SLC35B4: variants seen among roughly 807,000 people sequenced by gnomAD.
SLC35B4 encodes nucleotide sugar transporter SLC35B4.
Under a neutral mutation model 39.5 loss-of-function variants are expected in SLC35B4, and 28 were observed. The observed-to-expected ratio is 0.71, with a 90% CI of 0.53 to 0.97. The LOEUF is 0.97. SLC35B4 is among the 50% of genes least tolerant of loss of function. The pLI, the probability that SLC35B4 is intolerant of heterozygous loss-of-function variation, is 0.00. For synonymous variants in SLC35B4, 145 were observed against 150.4 expected (o/e 0.96, Z 0.26); for missense variants, 334 against 414.3 (o/e 0.81, Z 1.68).
chr7:134,300,309 C>A, intron 6 of SLC35B4, 48 bp from the exon 7 acceptor site: 6 of 1,366,212 alleles, frequency 4.4e-6, no homozygotes, highest in Non-Finnish European at 6.1e-6. Flanking sequence ...TGTTCATTTC[C>A]AGATGTTTTT....
In SLC35B4 at chr7:134,314,950, A is replaced by G. The variant is rs539957209; in HGVS notation, c.77+1725T>C. The stretch of plus-strand genomic sequence containing the variant: ...TTTTTATCCCTCATCACCTATTCCC[A>G]AGTCAAATAACAGATCTTTATCAAC... On this transcript the variant is annotated intron_variant, in intron 1 of 9. Coordinates refer to ENST00000378509, the MANE Select transcript of SLC35B4 (RefSeq NM_032826.5). 5.0e-4 allele frequency among the ~76,000 whole-genome samples: 76 copies of G among 152,206 alleles called. 2 individuals carry two copies. In the South Asian group the frequency reaches 0.015, roughly 31 times the overall value.
intron 6 of SLC35B4, 110 bp downstream of exon 6, chr7:134,301,651 G>A: frequency 5.0e-6 from 5 of 998,170 alleles, no homozygotes; most frequent in Non-Finnish European, 7.7e-6. Context: ...TCTCTTCCAT[G>A]GCATAATTTG....
intron 9 of SLC35B4, among the ~76,000 whole-genome samples, chr7:134,295,447 C>G (rs908333565): frequency 1.3e-5 from 2 of 152,122 alleles, no homozygotes; most frequent in Non-Finnish European, 2.9e-5. Context: ...GAAAGGGACT[C>G]TGGCAAATCT....
intron 8 of SLC35B4, among the ~76,000 whole-genome samples, chr7:134,298,230 C>A (rs719102): frequency 0.02 from 3,036 of 152,136 alleles, 128 homozygotes; most frequent in African/African-American, 0.07. Flanking sequence ...TCTTTGATAT[C>A]CTTAGCAAGT....
At chr7:134,297,047 A>G (rs976176735) in intron 8 of SLC35B4, among the ~76,000 whole-genome samples, 1 of 152,142 alleles carries the variant, frequency 6.6e-6, no homozygotes, top group Non-Finnish European at 1.5e-5. Context: ...CAGCCTCCCA[A>G]GTAGCTGGGA....
At chr7:134,315,808 G>A (rs1156580548) in intron 1 of SLC35B4, among the ~76,000 whole-genome samples, 2 of 152,182 alleles carry the variant, frequency 1.3e-5, no homozygotes, top group Non-Finnish European at 2.9e-5. Context: ...TAAGTGACTT[G>A]AAGGGCTACA....
chr7:134,318,690 T>C (rs1257333692), upstream of SLC35B4, among the ~76,000 whole-genome samples: 3 of 152,180 alleles, frequency 2.0e-5, no homozygotes, highest in Non-Finnish European at 2.9e-5. Context: ...TCATTTTCCA[T>C]ATATGCCACT....
At chr7:134,311,455 A>G (rs1803840197) in intron 1 of SLC35B4, among the ~76,000 whole-genome samples, 1 of 152,184 alleles carries the variant, frequency 6.6e-6, no homozygotes, top group Admixed American at 6.5e-5. Context: ...CAGGAGTTCG[A>G]GACCAGCTTG....
At chr7:134,304,916 C>T (rs1803671735) in intron 3 of SLC35B4, 62 bp from the exon 4 acceptor site, 9 of 1,287,900 alleles carry the variant, frequency 7.0e-6, no homozygotes, top group East Asian at 7.0e-5. Flanking sequence ...CAACGTAATT[C>T]GAGAGAATAG....
At chr7:134,298,634 T>A (rs1437094475) in intron 8 of SLC35B4, among the ~76,000 whole-genome samples, 1 of 152,222 alleles carries the variant, frequency 6.6e-6, no homozygotes, top group Non-Finnish European at 1.5e-5. Context: ...AAGAAATGAT[T>A]ATTTGAGTAA....
At chr7:134,314,841 T>A (rs1488710438) in intron 1 of SLC35B4, among the ~76,000 whole-genome samples, 2 of 152,176 alleles carry the variant, frequency 1.3e-5, no homozygotes, top group African/African-American at 4.8e-5. Context: ...GCCAACTTTT[T>A]TATATTTTCA....
chr7:134,299,009 C>A (rs1457816254), intron 8 of SLC35B4, among the ~76,000 whole-genome samples: 2 of 152,202 alleles, frequency 1.3e-5, no homozygotes, highest in Non-Finnish European at 2.9e-5. Flanking sequence ...TTACACTAGA[C>A]GCTTGAAACT....
At position 134,291,490 on chromosome 7, in the gene SLC35B4, CAG is replaced by C. The variant is rs2117265333; in HGVS notation, c.*3341_*3342del. ...TGGGGGAAGGAGTTCTGAAGTGAAA[CAG>C]AGGAAAGCTGCTCAGGAGATGACTG... On this transcript the variant is annotated 3_prime_UTR_variant, in exon 10 of 10. Coordinates refer to ENST00000378509, the MANE Select transcript of SLC35B4 (RefSeq NM_032826.5). 1 of 152,278 alleles carries C rather than the reference CAG, an allele frequency of 6.6e-6. No individual in the cohort carries two copies. The highest frequency in any genetic ancestry group is 2.1e-4 in the South Asian group (1 of 4,818). 9.4% of individuals were successfully genotyped at this position (152,278 alleles called of 1,614,324 possible). A position where few individuals can be genotyped will look rare whatever the true frequency, so the allele number is the denominator to read the frequency against.
chr7:134,316,765 T>C lies in SLC35B4; in HGVS notation c.-14A>G, dbSNP rs1585650265. ...GGCCGGGCGCATGGCCGGTGCAGGGTTGGGGAAGCAAGCGCACAGAGTAAG... is the reference window on the plus strand; with the variant it reads ...GGCCGGGCGCATGGCCGGTGCAGGGCTGGGGAAGCAAGCGCACAGAGTAAG... On this transcript the variant is annotated 5_prime_UTR_variant, in exon 1 of 10. Transcript: ENST00000378509. 2 of 1,545,964 alleles carry C rather than the reference T, an allele frequency of 1.3e-6. No individual in the cohort carries two copies. Among genetic ancestry groups the C allele is most frequent in the Non-Finnish European group, 1.7e-6 (2 of 1,146,624 alleles).
Position 134,316,755 on chromosome 7 carries a change from C to G in SLC35B4, c.-4G>C. ...CCACCGCCAAGGCCGGGCGCATGGC[C>G]GGTGCAGGGTTGGGGAAGCAAGCGC... On this transcript the variant is annotated 5_prime_UTR_variant, in exon 1 of 10. Coordinates refer to ENST00000378509, the MANE Select transcript of SLC35B4 (RefSeq NM_032826.5). 1 of 1,546,930 alleles carries G rather than the reference C, an allele frequency of 6.5e-7. No individual in the cohort carries two copies.
intron 1 of SLC35B4, among the ~76,000 whole-genome samples, chr7:134,310,960 G>A (rs115732198): frequency 0.014 from 2,082 of 152,114 alleles, 42 homozygotes; most frequent in African/African-American, 0.047. Flanking sequence ...ATTCTCCATT[G>A]GTATTAGTAT....
intron 2 of SLC35B4, among the ~76,000 whole-genome samples, chr7:134,308,558 T>C (rs1803763292): frequency 6.6e-6 from 1 of 152,260 alleles, no homozygotes; most frequent in African/African-American, 2.4e-5. Flanking sequence ...CAGCCAGATT[T>C]TCTATAGCAG....
intron 9 of SLC35B4, among the ~76,000 whole-genome samples, chr7:134,295,718 T>C (rs908260181): frequency 2.0e-5 from 3 of 152,122 alleles, no homozygotes; most frequent in Non-Finnish European, 4.4e-5. Flanking sequence ...CCTAAGTAGC[T>C]GGTAATTTGA....
chr7:134,300,379 A>C (rs1270551849), intron 6 of SLC35B4, 118 bp from the exon 7 acceptor site: 1 of 643,388 alleles, frequency 1.6e-6, no homozygotes, highest in African/African-American at 1.8e-5. Context: ...TAGAACATGT[A>C]CAAAACTGTA....
Sources: allele counts gnomAD v4.1 joint callset (sites outside exome capture counted in the v4.1 genomes callset), GRCh38; gene constraint gnomAD v4.1.1; transcripts MANE v1.5; gene names NCBI Gene and HGNC (gene_info 2026-07-23, HGNC 2026-07-21).